Variants in SHFL observed in about 807,000 individuals in gnomAD.
SHFL encodes the protein shiftless antiviral inhibitor of ribosomal frameshifting protein.
In SHFL, 12 loss-of-function variants were observed where a neutral mutation model predicts 34.7. That is an observed-to-expected ratio of 0.35 (90% CI 0.22 to 0.56). The LOEUF (loss-of-function observed/expected upper bound fraction) is 0.56, where lower values mean the gene tolerates loss of function less well. Among genes scored for constraint, SHFL ranks in the 20% least tolerant of loss-of-function variants. SHFL has a pLI of 0.88. For missense variants in SHFL, 278 were observed against 411.1 expected (o/e 0.68, Z 2.80); for synonymous variants, 148 against 156.0 (o/e 0.95, Z 0.38).
chr19:10,086,444 T>G lies in SHFL; in HGVS notation c.17T>G (p.Val6Gly). 7.3e-7 allele frequency: 1 copy of G among 1,372,424 alleles called. No homozygotes were observed. The highest frequency in any genetic ancestry group is 9.5e-7 in the Non-Finnish European group (1 of 1,055,550). 85.0% of individuals were successfully genotyped at this position (1,372,424 alleles called of 1,614,324 possible). The change falls in exon 1 of 8, where the codon GTG (valine) becomes GGG (glycine). Residue 6 changes from valine (V) to glycine (G), a missense_variant. Around this residue, in one of 2 missense-constraint regions of SHFL, gnomAD observed 243 missense variants for 386.2 expected, o/e 0.63. Coordinates refer to ENST00000253110, the MANE Select transcript of SHFL (RefSeq NM_018381.4). The surrounding 1 kb of genome is among the most constrained non-coding windows in gnomAD (Gnocchi z 5.2). ...GCCGCCACCATGTCTCAGGAAGGTG[T>G]GGAGGTAAGCGATGGCTACGGCTGG... MSQEG[V>G]ELEKSVRRLR...
Position 10,086,857 on chromosome 19 carries a change from G to T in SHFL, c.22-72G>T. The T allele has an allele frequency of 1.9e-6, 3 of 1,558,676 alleles. No homozygotes were observed. Among genetic ancestry groups the T allele is most frequent in the South Asian group, 1.2e-5 (1 of 86,042 alleles). On this transcript the variant is annotated intron_variant, in intron 1 of 7. Coordinates refer to ENST00000253110, the MANE Select transcript of SHFL (RefSeq NM_018381.4). The surrounding 1 kb of genome is among the most constrained non-coding windows in gnomAD (Gnocchi z 5.2). The stretch of plus-strand genomic sequence containing the variant: ...AGGGTCAAGTTCGGGCCGGGAGAAC[G>T]GTGCCTAGAGATGGGGGAGGGATGA...
intron 2 of SHFL, 90 bp from the exon 3 acceptor site, chr19:10,087,161 T>G (rs1249817968): frequency 1.3e-6 from 2 of 1,598,484 alleles, no homozygotes; most frequent in African/African-American, 2.7e-5. Flanking sequence ...GGTCCCAGCC[T>G]TGGGGAGGCT....
In SHFL at chr19:10,091,263, G is replaced by A. The variant is rs1456250797; in HGVS notation, c.398G>A (p.Arg133Gln). ...CACCACCACCAGGTATCCCGGTGCCGGAAATGCCGGAAGCGCTACGAGCCA... is the reference window on the plus strand; with the variant it reads ...CACCACCACCAGGTATCCCGGTGCCAGAAATGCCGGAAGCGCTACGAGCCA... Reference protein sequence around the residue: ...VPQRKEVSRCRKCRKRYEPVP... With the variant: ...VPQRKEVSRCQKCRKRYEPVP... The change falls in exon 6 of 8, where the codon CGG becomes CAG. Residue 133 changes from arginine to glutamine, a missense_variant. Around this residue, in one of 2 missense-constraint regions of SHFL, gnomAD observed 243 missense variants for 386.2 expected, o/e 0.63. Transcript: ENST00000253110. This position sits in a 1 kb window ranked among gnomAD's most constrained non-coding sequence, Gnocchi z 8.2. 1.4e-5 allele frequency: 22 copies of A among 1,613,636 alleles called. No homozygotes were observed. Among genetic ancestry groups the A allele is most frequent in the East Asian group, 2.2e-5 (1 of 44,890 alleles).
chr19:10,088,621 T>C (rs1432569970), intron 3 of SHFL, among the ~76,000 whole-genome samples: 2 of 151,106 alleles, frequency 1.3e-5, no homozygotes, highest in Non-Finnish European at 2.9e-5. Context: ...TATCATAGTC[T>C]ACATTTATAC....
chr19:10,089,048 T>A (rs1363533669), intron 3 of SHFL: 3 of 428,832 alleles, frequency 7.0e-6, no homozygotes, highest in East Asian at 4.9e-5. Context: ...TCCAGGAATT[T>A]ATTTATTTCA....
Position 10,089,950 on chromosome 19 carries a change from A to C in SHFL, c.287A>C (p.Gln96Pro). ...PLTEANLRMF[Q>P]RAQDDLIPAV... ...ACAGAAGCCAACCTACGCATGTTTC[A>C]ACGTGCCCAGGACGACCTTATCCCT... Residue 96 changes from glutamine (Q) to proline (P), a missense_variant, in exon 5 of 8, where the codon CAA (glutamine) becomes CCA (proline). Physicochemically the swap from Gln to Pro is moderately conservative, Grantham distance 76 (BLOSUM62 -1). Coordinates refer to ENST00000253110, the MANE Select transcript of SHFL (RefSeq NM_018381.4). 6.2e-7 allele frequency: 1 copy of C among 1,611,956 alleles called. No individual in the cohort carries two copies. Among genetic ancestry groups the C allele is most frequent in the Non-Finnish European group, 8.5e-7 (1 of 1,179,230 alleles).
chr19:10,091,954 TC>T lies in SHFL; in HGVS notation c.644-112del. ...ACCCCTGAATGTCCAGTTGTGCTGG[TC>T]CCCGTATCTGGTGGTCTCAGCTCCT... On this transcript the variant is annotated intron_variant, in intron 7 of 7. Coordinates refer to ENST00000253110, the MANE Select transcript of SHFL (RefSeq NM_018381.4). The surrounding 1 kb of genome is among the most constrained non-coding windows in gnomAD (Gnocchi z 8.2). The T allele has an allele frequency of 2.4e-6, 3 of 1,266,252 alleles. No individual in the cohort carries two copies. The highest frequency in any genetic ancestry group is 3.3e-6 in the Non-Finnish European group (3 of 896,994). The allele number at this position is 1,266,252 out of a possible 1,614,324, so 78.4% of individuals were successfully genotyped here. A position where few individuals can be genotyped will look rare whatever the true frequency, so the allele number is the denominator to read the frequency against.
rs917335521 is a variant in SHFL at position 10,086,636 on chromosome 19, C to T, written c.21+188C>T. ...CACGTTTCCCCAGAGCGAAATGAGGCCTCCCCGAGGAAAAGCGGGGGCTGC... is the reference window on the plus strand; with the variant it reads ...CACGTTTCCCCAGAGCGAAATGAGGTCTCCCCGAGGAAAAGCGGGGGCTGC... On this transcript the variant is annotated intron_variant, in intron 1 of 7. Coordinates refer to ENST00000253110, the MANE Select transcript of SHFL (RefSeq NM_018381.4). The surrounding 1 kb of genome is among the most constrained non-coding windows in gnomAD (Gnocchi z 5.2). Among the ~76,000 whole-genome samples the T allele has an allele frequency of 6.6e-6, 1 of 152,164 alleles. No homozygotes were observed. Among genetic ancestry groups the T allele is most frequent in the African/African-American group, 2.4e-5 (1 of 41,446 alleles).
At chr19:10,089,083 G>A (rs2088337887) in intron 3 of SHFL, 1 of 577,498 alleles carries the variant, frequency 1.7e-6, no homozygotes. Context: ...CCAGGAGACA[G>A]GTCCTATTAT....
At position 10,086,809 on chromosome 19, in the gene SHFL, G is replaced by A. The variant is rs1240646966; in HGVS notation, c.22-120G>A. The A allele has an allele frequency of 8.3e-7, 1 of 1,200,504 alleles. No individual in the cohort carries two copies. Among genetic ancestry groups the A allele is most frequent in the Non-Finnish European group, 1.2e-6 (1 of 860,210 alleles). 74.4% of individuals were successfully genotyped at this position (1,200,504 alleles called of 1,614,324 possible). A position where few individuals can be genotyped will look rare whatever the true frequency, so the allele number is the denominator to read the frequency against. On this transcript the variant is annotated intron_variant, in intron 1 of 7. Coordinates refer to ENST00000253110, the MANE Select transcript of SHFL (RefSeq NM_018381.4). The surrounding 1 kb of genome is among the most constrained non-coding windows in gnomAD (Gnocchi z 5.2). ...GCCGTAAAGGGATGAAAGGCGGGGG[G>A]GGGGCGGCGGAGGCCAAAACCAAGG... is the stretch of plus-strand genomic sequence containing the variant.
chr19:10,090,222 A>T (rs1238334117), intron 5 of SHFL, 175 bp downstream of exon 5: 1 of 704,242 alleles, frequency 1.4e-6, no homozygotes, highest in African/African-American at 1.8e-5. Flanking sequence ...CCAGGACTGG[A>T]CTTCTGACCT....
Position 10,089,908 on chromosome 19 carries a change from C to T in SHFL, c.245C>T (p.Thr82Ile). The change falls in exon 5 of 8, where the codon ACC becomes ATC. Residue 82 changes from threonine (T) to isoleucine (I), a missense_variant. Physicochemically the swap from Thr to Ile is moderately conservative, Grantham distance 89. Coordinates refer to ENST00000253110, the MANE Select transcript of SHFL (RefSeq NM_018381.4). Reference protein sequence around the residue: ...KQDRDIQAVATSLLPLTEANL... With the variant: ...KQDRDIQAVAISLLPLTEANL... ...TGCCCCATTCCACAGGCAGTGGCGACCTCCCTCCTGCCACTGACAGAAGCC... is the reference window on the plus strand; with the variant it reads ...TGCCCCATTCCACAGGCAGTGGCGATCTCCCTCCTGCCACTGACAGAAGCC... The T allele has an allele frequency of 6.2e-7, 1 of 1,611,120 alleles. No individual in the cohort carries two copies. The highest frequency in any genetic ancestry group is 8.5e-7 in the Non-Finnish European group (1 of 1,178,812).
At chr19:10,089,316 A>C in intron 3 of SHFL, 1 of 1,598,398 alleles carries the variant, frequency 6.3e-7, no homozygotes, top group Non-Finnish European at 8.5e-7. Flanking sequence ...GCCGAGCACA[A>C]CGTGGCCTCA....
In SHFL at chr19:10,092,786, GGA is replaced by G. The variant is rs759925335; in HGVS notation, c.*494_*495del. On this transcript the variant is annotated 3_prime_UTR_variant, in exon 8 of 8. Coordinates refer to ENST00000253110, the MANE Select transcript of SHFL (RefSeq NM_018381.4). The stretch of plus-strand genomic sequence containing the variant: ...TGGTACAGGGCACAGTTACCTGAGG[GGA>G]GAGAGAGAGTCCATGTCCTCTCACC... 24 of 1,587,276 alleles carry G rather than the reference GGA, an allele frequency of 1.5e-5. No homozygotes were observed. Among genetic ancestry groups the G allele is most frequent in the South Asian group, 6.7e-5 (6 of 89,238 alleles).
chr19:10,091,789 G>A lies in SHFL; in HGVS notation c.643+159G>A. 8.8e-7 allele frequency: 1 copy of A among 1,130,714 alleles called. No homozygotes were observed. Among genetic ancestry groups the A allele is most frequent in the Non-Finnish European group, 1.2e-6 (1 of 819,496 alleles). The allele number at this position is 1,130,714 out of a possible 1,614,324, so 70.0% of individuals were successfully genotyped here. ...CAGTCTCCGTGGTCTTGCCCAGGAG[G>A]CTCTGAGGTTTCACCCCAGTGGCCC... is the stretch of plus-strand genomic sequence containing the variant. On this transcript the variant is annotated intron_variant, in intron 7 of 7. Transcript: ENST00000253110. This position sits in a 1 kb window ranked among gnomAD's most constrained non-coding sequence, Gnocchi z 8.2.
Position 10,086,670 on chromosome 19 carries a change from A to G in SHFL, c.21+222A>G. 1 of 575,850 alleles carries G rather than the reference A, an allele frequency of 1.7e-6. No individual in the cohort carries two copies. Among genetic ancestry groups the G allele is most frequent in the Non-Finnish European group, 2.9e-6 (1 of 340,262 alleles). The allele number at this position is 575,850 out of a possible 1,614,324, so 35.7% of individuals were successfully genotyped here. A position where few individuals can be genotyped will look rare whatever the true frequency, so the allele number is the denominator to read the frequency against. On this transcript the variant is annotated intron_variant, in intron 1 of 7. Transcript: ENST00000253110. The surrounding 1 kb of genome is among the most constrained non-coding windows in gnomAD (Gnocchi z 5.2). Reference sequence around the variant, plus strand: ...GGAAAAGCGGGGGCTGCAGGGTCAAAGGTCAGAGGCCAGAGATAACCTGGC... The same window carrying G: ...GGAAAAGCGGGGGCTGCAGGGTCAAGGGTCAGAGGCCAGAGATAACCTGGC...
chr19:10,087,936 C>G (rs2145152151), intron 3 of SHFL: 1 of 158,166 alleles, frequency 6.3e-6, no homozygotes, highest in East Asian at 1.9e-4. Context: ...GTGGATTTAG[C>G]CTGCCTGAAA....
Position 10,086,897 on chromosome 19 carries a change from C to A in SHFL, c.22-32C>A, listed in dbSNP as rs376452273. ...GGGAGGGATGATCCCGTTTCCCCTT[C>A]CCCCACCGGAACCCCCCTGTCTCCA... On this transcript the variant is annotated intron_variant, in intron 1 of 7. Coordinates refer to ENST00000253110, the MANE Select transcript of SHFL (RefSeq NM_018381.4). The surrounding 1 kb of genome is among the most constrained non-coding windows in gnomAD (Gnocchi z 5.2). 8.4e-5 allele frequency: 135 copies of A among 1,611,208 alleles called. 2 individuals are homozygous for A. The highest frequency in any genetic ancestry group is 5.0e-5 in the Non-Finnish European group (59 of 1,178,534).
chr19:10,091,892 G>C lies in SHFL; in HGVS notation c.644-178G>C. On this transcript the variant is annotated intron_variant, in intron 7 of 7. Transcript: ENST00000253110. The surrounding 1 kb of genome is among the most constrained non-coding windows in gnomAD (Gnocchi z 8.2). ...CCTGTTTTGTCCCCTGTAATCTCAG[G>C]TGACCCCCATGTCCCCAGGTCTCCT... 4 of 877,182 alleles carry C rather than the reference G, an allele frequency of 4.6e-6. No homozygotes were observed. The highest frequency in any genetic ancestry group is 6.8e-6 in the Non-Finnish European group (4 of 584,424). The allele number at this position is 877,182 out of a possible 1,614,324, so 54.3% of individuals were successfully genotyped here.
Sources: gnomAD v4.1 joint callset for allele counts (sites outside exome capture counted in the v4.1 genomes callset) on GRCh38, gnomAD v4.1.1 for gene constraint, gnomAD v4.1.1 regional missense constraint, Gnocchi (gnomAD v3.1) non-coding constraint, MANE v1.5 for transcripts, NCBI Gene and HGNC (gene_info 2026-07-23, HGNC 2026-07-21) for gene names.